Variants in SORCS3 observed in about 807,000 individuals in gnomAD.
The protein encoded by SORCS3 is sortilin related VPS10 domain containing receptor 3.
A neutral mutation model predicts 146.3 loss-of-function variants in SORCS3; 57 were observed. The observed-to-expected ratio is 0.39, with a 90% confidence interval of 0.31 to 0.49. SORCS3 has a LOEUF of 0.49. Ranked by LOEUF, SORCS3 falls within the 20% of genes least tolerant of loss-of-function variation. The pLI is 0.92. For synonymous variants in SORCS3, 653 were observed against 618.5 expected (o/e 1.06, Z -0.83); for missense variants, 1,341 against 1,575.5 (o/e 0.85, Z 2.52).
In SORCS3 at chr10:104,777,866, G is replaced by T. The variant is rs573472035; in HGVS notation, c.628-64926G>T. On this transcript the variant is annotated intron_variant, in intron 1 of 26. Transcript: ENST00000369701. ...GTTTTACAAACTTGCCCACGCATTT[G>T]AGTTATACAGATAGCTTGTTAAAAA... Among the ~76,000 whole-genome samples, 5 of 152,252 alleles carry T rather than the reference G, an allele frequency of 3.3e-5. No individual in the cohort carries two copies. The South Asian group carries it at 1.0e-3, about 32-fold the overall frequency.
intron 4 of SORCS3, among the ~76,000 whole-genome samples, chr10:105,011,118 A>G (rs1161429023): frequency 6.6e-6 from 1 of 152,214 alleles, no homozygotes; most frequent in Non-Finnish European, 1.5e-5. Context: ...TTCTTTAGAT[A>G]GGAAACCAGG....
At chr10:105,129,331 C>CTCTCTCTCTTTTT (rs1172062304) in intron 7 of SORCS3, among the ~76,000 whole-genome samples, 1 of 104,634 alleles carries the variant, frequency 9.6e-6, no homozygotes, top group African/African-American at 3.9e-5. Flanking sequence ...CTTTCTTTCT[C>CTCTCTCTCTTTTT]TTTTTTTTTT....
intron 1 of SORCS3, among the ~76,000 whole-genome samples, chr10:104,813,983 A>T (rs1286874786): frequency 6.9e-6 from 1 of 143,982 alleles, no homozygotes; most frequent in East Asian, 2.0e-4. Context: ...GTTTAGGAAG[A>T]CTTATGTTTT....
At chr10:104,824,502 A>C (rs1373464100) in intron 1 of SORCS3, among the ~76,000 whole-genome samples, 1 of 152,146 alleles carries the variant, frequency 6.6e-6, no homozygotes, top group African/African-American at 2.4e-5. Flanking sequence ...AATTTGTAGG[A>C]TTGAATAGGA....
chr10:104,825,362 C>T (rs1564692153), intron 1 of SORCS3, among the ~76,000 whole-genome samples: 1 of 152,056 alleles, frequency 6.6e-6, no homozygotes, highest in African/African-American at 2.4e-5. Flanking sequence ...TTCCTAAGGT[C>T]ACACAAAATA....
At chr10:105,117,561 A>G (rs947655963) in intron 7 of SORCS3, among the ~76,000 whole-genome samples, 1 of 152,122 alleles carries the variant, frequency 6.6e-6, no homozygotes, top group Non-Finnish European at 1.5e-5. Context: ...TAGACTTTCC[A>G]TCAATATTTA....
chr10:105,081,705 T>C (rs941244962), intron 5 of SORCS3, among the ~76,000 whole-genome samples: 5 of 152,186 alleles, frequency 3.3e-5, no homozygotes, highest in Admixed American at 3.3e-4. Context: ...TTCCATTTCT[T>C]CCCTGGAGTT....
At chr10:104,738,538 G>A (rs981224734) in intron 1 of SORCS3, among the ~76,000 whole-genome samples, 4 of 152,072 alleles carry the variant, frequency 2.6e-5, no homozygotes, top group East Asian at 1.9e-4. Flanking sequence ...TTGGCATATC[G>A]TCTTTAGGGG....
intron 1 of SORCS3, among the ~76,000 whole-genome samples, chr10:104,698,069 C>T (rs988928649): frequency 3.9e-5 from 6 of 152,112 alleles, no homozygotes; most frequent in South Asian, 4.1e-4. Flanking sequence ...TCATGAGGGC[C>T]GTGAAATAAT....
chr10:105,212,324 G>A (rs2056638883), intron 17 of SORCS3, among the ~76,000 whole-genome samples: 1 of 152,102 alleles, frequency 6.6e-6, no homozygotes, highest in Non-Finnish European at 1.5e-5. Context: ...TCTAGTTTAG[G>A]GACTTAAGGC....
At chr10:105,186,865 C>G (rs2056480480) in intron 14 of SORCS3, among the ~76,000 whole-genome samples, 1 of 135,368 alleles carries the variant, frequency 7.4e-6, no homozygotes, top group Non-Finnish European at 1.5e-5. Flanking sequence ...GCCTGGGCAA[C>G]AAGAGTGAGA....
intron 1 of SORCS3, among the ~76,000 whole-genome samples, chr10:104,706,055 A>T (rs1227410034): frequency 6.6e-6 from 1 of 152,124 alleles, no homozygotes. Flanking sequence ...GCTGTTGCTG[A>T]CGAGTGAGTA....
chr10:104,913,504 T>G (rs1318361908), intron 2 of SORCS3, among the ~76,000 whole-genome samples: 1 of 152,182 alleles, frequency 6.6e-6, no homozygotes, highest in Non-Finnish European at 1.5e-5. Flanking sequence ...TTAGCATAAC[T>G]CATGACCATG....
intron 1 of SORCS3, among the ~76,000 whole-genome samples, chr10:104,787,901 A>G (rs767026673): frequency 3.1e-4 from 47 of 152,130 alleles, no homozygotes; most frequent in Admixed American, 3.9e-4. Context: ...AGGGCTTACA[A>G]TTGCAGATTT....
chr10:105,109,145 G>A (rs1433737858), intron 7 of SORCS3, among the ~76,000 whole-genome samples: 6 of 151,994 alleles, frequency 3.9e-5, no homozygotes. Flanking sequence ...CCTGTTGGCA[G>A]CAATTACAAA....
intron 4 of SORCS3, among the ~76,000 whole-genome samples, chr10:105,041,403 TA>T (rs1199705388): frequency 1.8e-4 from 26 of 143,178 alleles, no homozygotes; most frequent in African/African-American, 4.1e-4. Context: ...TTTTGAGGAT[TA>T]AAAAAAATAT....
chr10:105,089,784 C>T lies in SORCS3; in HGVS notation c.1038C>T (p.Ala346=), dbSNP rs199668012. 81 of 1,613,802 alleles carry T rather than the reference C, an allele frequency of 5.0e-5. No homozygotes were observed. The highest frequency in any genetic ancestry group is 2.3e-4 in the Admixed American group (14 of 59,984). ...ITPNRFYWSV[A]GLDKEADLVH... Reference sequence around the variant, plus strand: ...TCCCTTCCTTTCCCAGGTCGGTGGCCGGATTGGATAAGGAGGCGGACCTGG... The same window carrying T: ...TCCCTTCCTTTCCCAGGTCGGTGGCTGGATTGGATAAGGAGGCGGACCTGG... Residue 346 remains alanine, a synonymous_variant, in exon 6 of 27, where the codon GCC becomes GCT. Transcript: ENST00000369701.
In SORCS3 at chr10:104,643,408, G is replaced by A. The variant is rs146655391; in HGVS notation, c.627+1454G>A. ...TTCTTGGTTTCTAATGATGCACAGC[G>A]CGGGCAGCCCAGCCTGGGTAGCCCA... On this transcript the variant is annotated intron_variant, in intron 1 of 26. Coordinates refer to ENST00000369701, the MANE Select transcript of SORCS3 (RefSeq NM_014978.3). Among the ~76,000 whole-genome samples the A allele has an allele frequency of 1.4e-3, 209 of 152,316 alleles. 1 individual carries two copies. Among genetic ancestry groups the A allele is most frequent in the African/African-American group, 4.7e-3 (197 of 41,566 alleles).
At chr10:104,973,342 G>A (rs1260868285) in intron 3 of SORCS3, among the ~76,000 whole-genome samples, 1 of 151,784 alleles carries the variant, frequency 6.6e-6, no homozygotes, top group Non-Finnish European at 1.5e-5. Flanking sequence ...TTTTTGGTTG[G>A]TAAGCTATTG....
Sources: allele counts gnomAD v4.1 joint callset (sites outside exome capture counted in the v4.1 genomes callset), GRCh38; gene constraint gnomAD v4.1.1; transcripts MANE v1.5; gene names NCBI Gene and HGNC (gene_info 2026-07-23, HGNC 2026-07-21).